The following FPGS variants were observed in gnomAD, a reference collection of about 807,000 sequenced individuals.
FPGS encodes the protein folylpolyglutamate synthase, also known as folylpolyglutamate synthase, mitochondrial.
Under a neutral mutation model 66.5 loss-of-function variants are expected in FPGS, and 53 were observed. That is an observed-to-expected ratio of 0.80 (90% CI 0.64 to 1.00). The LOEUF (loss-of-function observed/expected upper bound fraction) is 1.00, where lower values mean the gene tolerates loss of function less well. FPGS is among the 50% of genes least tolerant of loss of function. The probability of loss-of-function intolerance (pLI) is 0.00; values close to 1 mark genes in which losing one functional copy is unlikely to be tolerated. For synonymous variants in FPGS, 348 were observed against 350.9 expected (o/e 0.99, Z 0.09); for missense variants, 702 against 807.7 (o/e 0.87, Z 1.59).
rs983928288 is a variant in FPGS, at chr9:127,802,958, C to T, written c.34C>T (p.Leu12=). 2 of 1,442,130 alleles carry T rather than the reference C, an allele frequency of 1.4e-6. No individual in the cohort carries two copies. Among genetic ancestry groups the T allele is most frequent in the Non-Finnish European group, 1.8e-6 (2 of 1,105,672 alleles). The allele number at this position is 1,442,130 out of a possible 1,614,324, so 89.3% of individuals were successfully genotyped here. Residue 12 remains leucine (L), a synonymous_variant, in exon 1 of 15, where the codon CTA becomes TTA. Coordinates refer to ENST00000373247, the MANE Select transcript of FPGS (RefSeq NM_004957.6). ...GGCGCGGAGCCACCTGCGCGCCGCT[C>T]TATTCCTGGCAGCGGCGTCTGCGCG... The part of the protein sequence containing the change: ...SRARSHLRAA[L]FLAAASARGI...
rs998734947 is a variant in FPGS at position 127,810,101 on chromosome 9, C to T, written c.1282C>T (p.Leu428=). 1.9e-6 allele frequency: 3 copies of T among 1,612,918 alleles called. No homozygotes were observed. Among genetic ancestry groups the T allele is most frequent in the African/African-American group, 1.3e-5 (1 of 74,866 alleles). ...GGACCCGGCGGCCCTGCTGAAGCTG[C>T]TGCAGGTGAGGGGCCAACTTGGGGG... ...DRDPAALLKL[L]QPCQFDYAVF... The change falls in exon 13 of 15, where the codon CTG becomes TTG. Residue 428 remains leucine (L), a synonymous_variant. Transcript: ENST00000373247.
At chr9:127,804,157 T>G in intron 1 of FPGS, 128 bp from the exon 2 acceptor site, 2 of 1,217,582 alleles carry the variant, frequency 1.6e-6, no homozygotes, top group Non-Finnish European at 2.3e-6. Flanking sequence ...AGGCTAACAG[T>G]GCTGGCATGG....
At chr9:127,814,371 G>GTTT (rs1830229348), downstream of FPGS, 2 of 166,752 alleles carry the variant, frequency 1.2e-5, no homozygotes, top group African/African-American at 4.8e-5. Flanking sequence ...TGGAGGCCGG[G>GTTT]CACGGTGGCT....
intron 1 of FPGS, among the ~76,000 whole-genome samples, chr9:127,804,029 C>T (rs1056446511): frequency 6.6e-6 from 1 of 152,214 alleles, no homozygotes; most frequent in South Asian, 2.1e-4. Flanking sequence ...AAGGCTAGCC[C>T]GTTAGTCATG....
At chr9:127,812,125 C>T (rs888568802) in intron 14 of FPGS, among the ~76,000 whole-genome samples, 1 of 151,930 alleles carries the variant, frequency 6.6e-6, no homozygotes, top group Non-Finnish European at 1.5e-5. Flanking sequence ...GGTGTACACC[C>T]GTGGTCCTAG....
chr9:127,807,697 GC>G lies in FPGS; in HGVS notation c.744+10del, dbSNP rs1447419614. The G allele has an allele frequency of 6.5e-7, 1 of 1,548,014 alleles. No homozygotes were observed. The highest frequency in any genetic ancestry group is 8.8e-7 in the Non-Finnish European group (1 of 1,142,138). On this transcript the variant is annotated intron_variant, in intron 8 of 14. Coordinates refer to ENST00000373247, the MANE Select transcript of FPGS (RefSeq NM_004957.6). This position sits in a 1 kb window ranked among gnomAD's most constrained non-coding sequence, Gnocchi z 5.8. The stretch of plus-strand genomic sequence containing the variant: ...AAGGGGGCATCTTTAAGGTGACCAG[GC>G]AGACTGGGGGAAGGGAGAGACATGG...
At position 127,814,079 on chromosome 9, in the gene FPGS, T is replaced by G. The variant is rs972358137; in HGVS notation, c.*475T>G. 1.1e-4 allele frequency: 106 copies of G among 987,416 alleles called. No homozygotes were observed. Among genetic ancestry groups the G allele is most frequent in the Non-Finnish European group, 1.2e-4 (103 of 831,494 alleles). 61.2% of individuals were successfully genotyped at this position (987,416 alleles called of 1,614,324 possible). A position where few individuals can be genotyped will look rare whatever the true frequency, so the allele number is the denominator to read the frequency against. ...TTAAAGAAATGGCAAAGCCTTCGAC[T>G]GACCCTTGACCCCCTGCTCCCTCAG... is the stretch of plus-strand genomic sequence containing the variant. On this transcript the variant is annotated 3_prime_UTR_variant, in exon 15 of 15. Coordinates refer to ENST00000373247, the MANE Select transcript of FPGS (RefSeq NM_004957.6).
rs200893897 is a variant in FPGS, at chr9:127,809,767, G to A, written c.1144G>A (p.Ala382Thr). The A allele has an allele frequency of 0.013, 20,511 of 1,567,708 alleles. 188 individuals carry two copies. Among genetic ancestry groups the A allele is most frequent in the Non-Finnish European group, 0.014 (16,843 of 1,166,050 alleles). The change falls in exon 12 of 15, where the codon GCC becomes ACC. Residue 382 changes from alanine (A) to threonine (T), a missense_variant. This residue lies in a region of FPGS where 351 missense variants were observed against 363.7 expected (regional missense o/e 0.97). Coordinates refer to ENST00000373247, the MANE Select transcript of FPGS (RefSeq NM_004957.6). ...CTGGTACCTGGACGGTGCGCACACC[G>A]CCAGCAGCGCGCAGGCCTGCGTGCG... Reference protein sequence around the residue: ...LTWYLDGAHTASSAQACVRWF... With the variant: ...LTWYLDGAHTTSSAQACVRWF...
At chr9:127,804,884 C>T in intron 4 of FPGS, 184 bp downstream of exon 4, 1 of 606,502 alleles carries the variant, frequency 1.6e-6, no homozygotes, top group Non-Finnish European at 2.9e-6. Context: ...TTTATGGCAA[C>T]CTTTAATTTT....
Position 127,808,751 on chromosome 9 carries a change from A to G in FPGS, c.970+46A>G, listed in dbSNP as rs769402991. On this transcript the variant is annotated intron_variant, in intron 10 of 14. Coordinates refer to ENST00000373247, the MANE Select transcript of FPGS (RefSeq NM_004957.6). ...GCAGGCAGGTGGGTGGCACCTGTGG[A>G]GCCTGCCTAGGAGGGTCCCGGACAC... is the stretch of plus-strand genomic sequence containing the variant. 1.9e-6 allele frequency: 3 copies of G among 1,558,592 alleles called. 1 individual carries two copies. In the South Asian group the frequency reaches 3.5e-5, roughly 18 times the overall value.
In FPGS at chr9:127,805,880, C is replaced by T. The variant is rs117780190; in HGVS notation, c.387-1093C>T. On this transcript the variant is annotated intron_variant, in intron 4 of 14. Transcript: ENST00000373247. ...TACACAAGAGGATGGCCAGGTGGAA[C>T]CGGGATCACTCTTCCTGTGCCACGC... 4.4e-3 allele frequency among the ~76,000 whole-genome samples: 666 copies of T among 152,302 alleles called. 33 individuals carry two copies. The East Asian group carries it at 0.098, about 22-fold the overall frequency.
chr9:127,812,221 C>T (rs558873194), intron 14 of FPGS, among the ~76,000 whole-genome samples: 1 of 152,192 alleles, frequency 6.6e-6, no homozygotes, highest in East Asian at 1.9e-4. Context: ...TGCATCACTG[C>T]ACTCCAGCCT....
intron 12 of FPGS, 29 bp from the exon 13 acceptor site, chr9:127,810,002 T>C: frequency 1.3e-6 from 2 of 1,598,592 alleles, no homozygotes; most frequent in Non-Finnish European, 1.7e-6. Context: ...GGCGGCGCCC[T>C]TTGACCCAGC....
intron 4 of FPGS, 190 bp downstream of exon 4, chr9:127,804,890 A>ATTT (rs771028462): frequency 4.8e-4 from 232 of 483,570 alleles, no homozygotes; most frequent in African/African-American, 1.5e-3. Context: ...GCAACCTTTA[A>ATTT]TTTTTTTTTT....
chr9:127,810,071 G>A lies in FPGS; in HGVS notation c.1252G>A (p.Asp418Asn). ...AGTCTTGCTCTTCAATGCTACCGGG[G>A]ACCGGGACCCGGCGGCCCTGCTGAA... is the stretch of plus-strand genomic sequence containing the variant. ...VRVLLFNATGDRDPAALLKLL... is the reference protein window; with the variant it reads ...VRVLLFNATGNRDPAALLKLL... The change falls in exon 13 of 15, where the codon GAC (aspartate) becomes AAC (asparagine). Residue 418 changes from aspartate (D) to asparagine (N), a missense_variant. By Grantham distance (23) the Asp-to-Asn change is conservative. Around this residue, in one of 3 missense-constraint regions of FPGS, gnomAD observed 351 missense variants for 363.7 expected, o/e 0.97. Transcript: ENST00000373247. 6.2e-7 allele frequency: 1 copy of A among 1,613,074 alleles called. No homozygotes were observed. The highest frequency in any genetic ancestry group is 1.1e-5 in the South Asian group (1 of 91,030).
chr9:127,809,606 G>A (rs1175583606), intron 11 of FPGS, 78 bp from the exon 12 acceptor site: 1 of 1,398,950 alleles, frequency 7.1e-7, no homozygotes. Context: ...AGGGGAGAAC[G>A]GGCTCAGGAG....
At position 127,807,135 on chromosome 9, in the gene FPGS, C is replaced by T. The variant is rs768276659; in HGVS notation, c.501+48C>T. ...CGGGTGGGTATGGTTGGGGGTGCTA[C>T]GTGTTCCAGCACCCCATCTCCCCAG... On this transcript the variant is annotated intron_variant, in intron 5 of 14. Coordinates refer to ENST00000373247, the MANE Select transcript of FPGS (RefSeq NM_004957.6). The surrounding 1 kb of genome is among the most constrained non-coding windows in gnomAD (Gnocchi z 5.8). 18 of 1,601,540 alleles carry T rather than the reference C, an allele frequency of 1.1e-5. No individual in the cohort carries two copies. Among genetic ancestry groups the T allele is most frequent in the Admixed American group, 8.3e-5 (5 of 59,986 alleles).
chr9:127,808,946 ATTTTTTTT>A (rs543518198), intron 11 of FPGS, 57 bp downstream of exon 11: 1 of 887,786 alleles, frequency 1.1e-6, no homozygotes, highest in Non-Finnish European at 1.6e-6. Context: ...GCCCCTTCAG[ATTTTTTTT>A]TTTTTTTTTT....
chr9:127,804,738 A>C, intron 4 of FPGS, 38 bp downstream of exon 4: 1 of 1,604,770 alleles, frequency 6.2e-7, no homozygotes, highest in Non-Finnish European at 8.5e-7. Context: ...CTGTGTCCCA[A>C]TGGACCCTGG....
Sources: allele counts gnomAD v4.1 joint callset (sites outside exome capture counted in the v4.1 genomes callset), GRCh38; gene constraint gnomAD v4.1.1; regional missense constraint gnomAD v4.1.1; non-coding constraint Gnocchi (gnomAD v3.1); transcripts MANE v1.5; gene names NCBI Gene and HGNC (gene_info 2026-07-23, HGNC 2026-07-21).